WDR70: variants seen among roughly 807,000 people sequenced by gnomAD.
The protein encoded by WDR70 is WD repeat domain 70.
In WDR70, 53 loss-of-function variants were observed where a neutral mutation model predicts 88.6. The ratio of observed to expected loss-of-function variants is 0.60; its 90% CI spans 0.48 to 0.75. The LOEUF is 0.75. Ranked by LOEUF, WDR70 falls within the 30% of genes least tolerant of loss-of-function variation. The pLI is 0.00. For missense variants in WDR70, 610 were observed against 823.2 expected (o/e 0.74, Z 3.17); for synonymous variants, 280 against 270.0 (o/e 1.04, Z -0.36).
chr5:37,610,210 G>A (rs2112485187), intron 10 of WDR70, among the ~76,000 whole-genome samples: 1 of 149,244 alleles, frequency 6.7e-6, no homozygotes, highest in South Asian at 2.1e-4. Context: ...AGGTTGCAGT[G>A]AGCCGAGATT....
At chr5:37,460,725 AAAAC>A (rs1390994174) in intron 7 of WDR70, among the ~76,000 whole-genome samples, 2 of 150,454 alleles carry the variant, frequency 1.3e-5, no homozygotes, top group East Asian at 3.9e-4. Context: ...ATAAAAAATA[AAAAC>A]AAAAAGAAAA....
intron 17 of WDR70, among the ~76,000 whole-genome samples, chr5:37,736,505 A>G (rs768926279): frequency 6.6e-6 from 1 of 152,180 alleles, no homozygotes; most frequent in Non-Finnish European, 1.5e-5. Flanking sequence ...TATTTTTTCC[A>G]GAGTTATATT....
Position 37,722,937 on chromosome 5 carries a change from A to G in WDR70, c.1597+3A>G. On this transcript the variant is annotated splice_donor_region_variant and intron_variant, in intron 15 of 17. Transcript: ENST00000265107. ...AACTCAGGACTACATCATCACCCGTAAGTCGTTAACATGCCTCTCAATCAT... is the reference window on the plus strand; with the variant it reads ...AACTCAGGACTACATCATCACCCGTGAGTCGTTAACATGCCTCTCAATCAT... 1 of 1,613,474 alleles carries G rather than the reference A, an allele frequency of 6.2e-7. No homozygotes were observed. Among genetic ancestry groups the G allele is most frequent in the Non-Finnish European group, 8.5e-7 (1 of 1,179,556 alleles).
chr5:37,637,327 AAAAT>A (rs1320661228), intron 10 of WDR70, among the ~76,000 whole-genome samples: 1 of 137,080 alleles, frequency 7.3e-6, no homozygotes, highest in East Asian at 2.1e-4. Flanking sequence ...TCTGTCTCAA[AAAAT>A]AAATAAATTA....
chr5:37,623,325 T>C (rs1283636343), intron 10 of WDR70, among the ~76,000 whole-genome samples: 1 of 152,114 alleles, frequency 6.6e-6, no homozygotes, highest in Non-Finnish European at 1.5e-5. Flanking sequence ...TCAGGGAGTG[T>C]GTTCTAAATA....
intron 9 of WDR70, among the ~76,000 whole-genome samples, chr5:37,517,686 A>G (rs1335737910): frequency 6.7e-6 from 1 of 150,206 alleles, no homozygotes; most frequent in African/African-American, 2.4e-5. Context: ...TTTTATTTTA[A>G]TTTTTGTGAG....
intron 5 of WDR70, among the ~76,000 whole-genome samples, chr5:37,423,362 TAA>T (rs542245071): frequency 1.6e-5 from 2 of 125,964 alleles, no homozygotes; most frequent in African/African-American, 2.8e-5. Flanking sequence ...ACAAAAACAT[TAA>T]AAAAAAAAAA....
intron 5 of WDR70, among the ~76,000 whole-genome samples, chr5:37,410,126 C>T (rs1749477575): frequency 6.6e-6 from 1 of 150,502 alleles, no homozygotes; most frequent in African/African-American, 2.4e-5. Flanking sequence ...AGCAGTGCTT[C>T]TGCCTAAGCC....
chr5:37,390,058 A>G (rs1360843990), intron 3 of WDR70, among the ~76,000 whole-genome samples: 2 of 149,146 alleles, frequency 1.3e-5, no homozygotes, highest in South Asian at 4.1e-4. Flanking sequence ...AGTGAAGGAA[A>G]AAAATGTTAA....
intron 5 of WDR70, among the ~76,000 whole-genome samples, chr5:37,419,470 C>T (rs955108225): frequency 6.6e-5 from 10 of 151,378 alleles, no homozygotes; most frequent in Non-Finnish European, 1.2e-4. Flanking sequence ...TCCCAAAGTG[C>T]TGGGATTACA....
intron 9 of WDR70, among the ~76,000 whole-genome samples, chr5:37,530,268 T>G (rs1302762576): frequency 6.6e-6 from 1 of 152,116 alleles, no homozygotes; most frequent in Non-Finnish European, 1.5e-5. Context: ...TGCAGTTTTC[T>G]TTTTTTGTTA....
At chr5:37,431,789 T>C (rs1051431506) in intron 5 of WDR70, among the ~76,000 whole-genome samples, 9 of 152,350 alleles carry the variant, frequency 5.9e-5, no homozygotes, top group African/African-American at 2.2e-4. Context: ...CTAGCACATA[T>C]AAGTGGAACC....
At position 37,688,551 on chromosome 5, in the gene WDR70, T is replaced by C. The variant is rs372191779; in HGVS notation, c.1093-9104T>C. ...CACTGTTTATAAGATCTTCCAAAAGTTTCATTTAGAGTTTAGTAGTTGGTA... is the reference window on the plus strand; with the variant it reads ...CACTGTTTATAAGATCTTCCAAAAGCTTCATTTAGAGTTTAGTAGTTGGTA... On this transcript the variant is annotated intron_variant, in intron 10 of 17. Transcript: ENST00000265107. Among the ~76,000 whole-genome samples, 45 of 151,966 alleles carry C rather than the reference T, an allele frequency of 3.0e-4. 2 individuals carry two copies. The South Asian group carries it at 9.2e-3, about 31-fold the overall frequency.
At chr5:37,467,007 A>G (rs1200270053) in intron 7 of WDR70, among the ~76,000 whole-genome samples, 5 of 152,106 alleles carry the variant, frequency 3.3e-5, no homozygotes, top group African/African-American at 9.7e-5. Context: ...AGGCCGAGGC[A>G]AGTGGATCAC....
At chr5:37,731,679 CA>C (rs975601581) in intron 17 of WDR70, among the ~76,000 whole-genome samples, 2 of 152,174 alleles carry the variant, frequency 1.3e-5, no homozygotes, top group East Asian at 3.9e-4. Context: ...TTTTGTTAAA[CA>C]TGGTGCATGT....
chr5:37,642,915 A>G (rs1044180747), intron 10 of WDR70, among the ~76,000 whole-genome samples: 11 of 152,218 alleles, frequency 7.2e-5, no homozygotes, highest in Admixed American at 5.2e-4. Context: ...GTAGTTTGCA[A>G]ATATTTTCTC....
chr5:37,675,659 A>G (rs545471152), intron 10 of WDR70, among the ~76,000 whole-genome samples: 1 of 152,268 alleles, frequency 6.6e-6, no homozygotes, highest in South Asian at 2.1e-4. Flanking sequence ...GTTTGAAGTC[A>G]GGTAGCGTGA....
At chr5:37,654,656 G>T (rs566499927) in intron 10 of WDR70, among the ~76,000 whole-genome samples, 300 of 152,342 alleles carry the variant, frequency 2.0e-3, no homozygotes, top group African/African-American at 6.7e-3. Context: ...ATTTAGGATA[G>T]TTAGCTCTTC....
intron 10 of WDR70, among the ~76,000 whole-genome samples, chr5:37,631,347 A>G (rs1026995262): frequency 2.6e-5 from 4 of 152,164 alleles, no homozygotes; most frequent in African/African-American, 9.7e-5. Flanking sequence ...GCTTTATTGT[A>G]ATTTGATATA....
Sources: allele counts gnomAD v4.1 joint callset (sites outside exome capture counted in the v4.1 genomes callset), GRCh38; gene constraint gnomAD v4.1.1; transcripts MANE v1.5; gene names NCBI Gene and HGNC (gene_info 2026-07-23, HGNC 2026-07-21).